PLCG1: variants seen among roughly 807,000 people sequenced by gnomAD.
PLCG1 encodes the protein phospholipase C gamma 1.
A neutral mutation model predicts 177.8 loss-of-function variants in PLCG1; 71 were observed. The ratio of observed to expected loss-of-function variants is 0.40; its 90% confidence interval spans 0.33 to 0.49. PLCG1 has a LOEUF of 0.49. Among genes scored for constraint, PLCG1 ranks in the 20% least tolerant of loss-of-function variants. The pLI is 0.72. For missense variants in PLCG1, 1,281 were observed against 1,709.0 expected (o/e 0.75, Z 4.42); for synonymous variants, 658 against 647.9 (o/e 1.02, Z -0.24).
intron 20 of PLCG1, among the ~76,000 whole-genome samples, chr20:41,168,306 A>G (rs2035771142): frequency 6.6e-6 from 1 of 151,804 alleles, no homozygotes; most frequent in Admixed American, 6.6e-5. Context: ...CCTGGGCCCT[A>G]TTTCTCACCC....
chr20:41,138,194 G>A (rs1315068689), intron 1 of PLCG1, among the ~76,000 whole-genome samples: 1 of 152,174 alleles, frequency 6.6e-6, no homozygotes, highest in South Asian at 2.1e-4. Flanking sequence ...GCGTCGGCGA[G>A]GGGAGCTAAG....
chr20:41,154,988 A>G (rs549978348), intron 1 of PLCG1, among the ~76,000 whole-genome samples: 5 of 152,322 alleles, frequency 3.3e-5, no homozygotes, highest in African/African-American at 1.2e-4. Flanking sequence ...CCAGGACTGC[A>G]TGGCCCAGAA....
chr20:41,172,482 G>A lies in PLCG1; in HGVS notation c.2967G>A (p.Glu989=). ...CATCCTTCCCGGAAACCAAGGCTGA[G>A]AAATACGTGAACAAGGCCAAAGGCA... ...DMSSFPETKA[E]KYVNKAKGKK... is the part of the protein sequence containing the mutation. The change falls in exon 26 of 32, where the codon GAG becomes GAA. Residue 989 remains glutamate, a synonymous_variant. Transcript: ENST00000685551. The surrounding 1 kb of genome is among the most constrained non-coding windows in gnomAD (Gnocchi z 7.0). 4.3e-6 allele frequency: 7 copies of A among 1,614,202 alleles called. No individual in the cohort carries two copies. The highest frequency in any genetic ancestry group is 5.9e-6 in the Non-Finnish European group (7 of 1,180,026).
chr20:41,146,260 A>C lies in PLCG1; in HGVS notation c.217+8402A>C, dbSNP rs2146004924. Among the ~76,000 whole-genome samples, 1 of 152,352 alleles carries C rather than the reference A, an allele frequency of 6.6e-6. No homozygotes were observed. Among genetic ancestry groups the C allele is most frequent in the Admixed American group, 6.5e-5 (1 of 15,308 alleles). On this transcript the variant is annotated intron_variant, in intron 1 of 31. Transcript: ENST00000685551. The surrounding 1 kb of genome is among the most constrained non-coding windows in gnomAD (Gnocchi z 6.3). ...GGTGACCCAGTCCTTGATCCTGAGA[A>C]GCTTGTGATCTGGACCATGCAGAAA...
chr20:41,144,011 T>C lies in PLCG1; in HGVS notation c.217+6153T>C, dbSNP rs937528948. 2.0e-5 allele frequency among the ~76,000 whole-genome samples: 3 copies of C among 152,260 alleles called. No homozygotes were observed. The highest frequency in any genetic ancestry group is 7.2e-5 in the African/African-American group (3 of 41,462). ...CAACCTGGGCTAGGAGTCTGTTTCC[T>C]ACTTGCTTTCTGTGTTCCTTCCCTG... is the stretch of plus-strand genomic sequence containing the variant. On this transcript the variant is annotated intron_variant, in intron 1 of 31. Coordinates refer to ENST00000685551, the MANE Select transcript of PLCG1 (RefSeq NM_002660.3). The surrounding 1 kb of genome is among the most constrained non-coding windows in gnomAD (Gnocchi z 4.1).
intron 1 of PLCG1, among the ~76,000 whole-genome samples, chr20:41,152,475 C>T (rs1347282809): frequency 6.6e-6 from 1 of 152,214 alleles, no homozygotes; most frequent in Non-Finnish European, 1.5e-5. Context: ...CCTCACTGAC[C>T]ACTGCATTTT....
In PLCG1 at chr20:41,156,067, T is replaced by C. The variant is rs546506222; in HGVS notation, c.218-3539T>C. 6.6e-6 allele frequency among the ~76,000 whole-genome samples: 1 copy of C among 152,324 alleles called. No individual in the cohort carries two copies. Among genetic ancestry groups the C allele is most frequent in the South Asian group, 2.1e-4 (1 of 4,822 alleles). ...CTGGGGCACCAGGAAGCCTGGCTTA[T>C]GAGAAGGTTCTCAGTCCTCAGAGCT... On this transcript the variant is annotated intron_variant, in intron 1 of 31. Transcript: ENST00000685551. The surrounding 1 kb of genome is among the most constrained non-coding windows in gnomAD (Gnocchi z 5.0).
intron 1 of PLCG1, among the ~76,000 whole-genome samples, chr20:41,155,107 T>A (rs1167426303): frequency 6.6e-6 from 1 of 152,188 alleles, no homozygotes; most frequent in Non-Finnish European, 1.5e-5. Context: ...AAAAGGAACA[T>A]TGCTCTTCCC....
chr20:41,170,310 C>A (rs760594710), intron 24 of PLCG1, 41 bp downstream of exon 24: 2 of 1,610,760 alleles, frequency 1.2e-6, no homozygotes, highest in African/African-American at 1.3e-5. Context: ...AGTGTGTGGG[C>A]CCGTCAGGCA....
In PLCG1 at chr20:41,159,246, T is replaced by C. The variant is rs1405940029; in HGVS notation, c.218-360T>C. 1.3e-5 allele frequency among the ~76,000 whole-genome samples: 2 copies of C among 152,182 alleles called. No individual in the cohort carries two copies. Among genetic ancestry groups the C allele is most frequent in the African/African-American group, 2.4e-5 (1 of 41,430 alleles). On this transcript the variant is annotated intron_variant, in intron 1 of 31. Transcript: ENST00000685551. This position sits in a 1 kb window ranked among gnomAD's most constrained non-coding sequence, Gnocchi z 6.0. ...GGGACTTTATGATTTGATTTGTGTGTACCTTGTGTCAGGAAGTGGTCCTCA... is the reference window on the plus strand; with the variant it reads ...GGGACTTTATGATTTGATTTGTGTGCACCTTGTGTCAGGAAGTGGTCCTCA...
At chr20:41,168,681 G>A (rs2035785938) in intron 20 of PLCG1, 86 bp from the exon 21 acceptor site, 1 of 790,928 alleles carries the variant, frequency 1.3e-6, no homozygotes, top group Non-Finnish European at 2.2e-6. Context: ...GGAAGCCCAA[G>A]CACATGTGTG....
At chr20:41,149,243 A>G (rs952774221) in intron 1 of PLCG1, among the ~76,000 whole-genome samples, 1 of 152,108 alleles carries the variant, frequency 6.6e-6, no homozygotes, top group Admixed American at 6.5e-5. Flanking sequence ...ACTCATATCT[A>G]ATTTTTCCTT....
Position 41,169,510 on chromosome 20 carries a change from G to A in PLCG1, c.2634G>A (p.Val878=), listed in dbSNP as rs1178848270. The change falls in exon 23 of 32, where the codon GTG becomes GTA. Residue 878 remains valine, a synonymous_variant. Coordinates refer to ENST00000685551, the MANE Select transcript of PLCG1 (RefSeq NM_002660.3). ...ACTTGCTGCGGGGGGTCTTGGATGT[G>A]CCGGCTTGTCAGATTGGTGAGCTCC... ...LGDLLRGVLD[V]PACQIAIRPE... is the part of the protein sequence containing the mutation. 4 of 1,613,386 alleles carry A rather than the reference G, an allele frequency of 2.5e-6. No individual in the cohort carries two copies. The Admixed American group carries it at 6.7e-5, about 27-fold the overall frequency.
In PLCG1 at chr20:41,174,253, G is replaced by A. The variant is rs1267782295; in HGVS notation, c.3775G>A (p.Glu1259Lys). The change falls in exon 31 of 32, where the codon GAG becomes AAG. Residue 1259 changes from glutamate to lysine, a missense_variant. Coordinates refer to ENST00000685551, the MANE Select transcript of PLCG1 (RefSeq NM_002660.3). This position sits in a 1 kb window ranked among gnomAD's most constrained non-coding sequence, Gnocchi z 5.8. The stretch of plus-strand genomic sequence containing the variant: ...TGAATCCCGCTACCAGCAGCCGTTT[G>A]AGGACTTCCGCATCTCCCAGGAGCA... ...SFESRYQQPF[E>K]DFRISQEHLA... 3.7e-6 allele frequency: 6 copies of A among 1,614,210 alleles called. No individual in the cohort carries two copies. The highest frequency in any genetic ancestry group is 1.1e-5 in the South Asian group (1 of 91,082).
chr20:41,173,903 C>T lies in PLCG1; in HGVS notation c.3557-20C>T. On this transcript the variant is annotated intron_variant, in intron 29 of 31. Coordinates refer to ENST00000685551, the MANE Select transcript of PLCG1 (RefSeq NM_002660.3). The surrounding 1 kb of genome is among the most constrained non-coding windows in gnomAD (Gnocchi z 6.2). Reference sequence around the variant, plus strand: ...GCTCTGTCCCTCGTGGGCTGAGGGCCAGGCTTTTCCTCCTCCTAGGATACA... The same window carrying T: ...GCTCTGTCCCTCGTGGGCTGAGGGCTAGGCTTTTCCTCCTCCTAGGATACA... The T allele has an allele frequency of 6.2e-7, 1 of 1,613,026 alleles. No individual in the cohort carries two copies. Among genetic ancestry groups the T allele is most frequent in the Non-Finnish European group, 8.5e-7 (1 of 1,179,012 alleles).
chr20:41,137,925 T>C lies in PLCG1; in HGVS notation c.217+67T>C. On this transcript the variant is annotated intron_variant, in intron 1 of 31. Coordinates refer to ENST00000685551, the MANE Select transcript of PLCG1 (RefSeq NM_002660.3). This position sits in a 1 kb window ranked among gnomAD's most constrained non-coding sequence, Gnocchi z 7.3. ...GGTCGTGGGAGCCCGGCCCGACTGC[T>C]TGCACCCCGGCCGGCCGCCCCAGCG... 1 of 1,102,248 alleles carries C rather than the reference T, an allele frequency of 9.1e-7. No individual in the cohort carries two copies. Among genetic ancestry groups the C allele is most frequent in the Non-Finnish European group, 1.2e-6 (1 of 858,170 alleles). The allele number at this position is 1,102,248 out of a possible 1,614,324, so 68.3% of individuals were successfully genotyped here.
chr20:41,158,833 C>T (rs373675375), intron 1 of PLCG1, among the ~76,000 whole-genome samples: 1 of 152,228 alleles, frequency 6.6e-6, no homozygotes, highest in Non-Finnish European at 1.5e-5. Flanking sequence ...TTGCTTTACA[C>T]ATGGTAAAAC....
At position 41,166,409 on chromosome 20, in the gene PLCG1, T is replaced by G. The variant is rs1568749812; in HGVS notation, c.2000+15T>G. The G allele has an allele frequency of 1.2e-6, 2 of 1,613,608 alleles. No individual in the cohort carries two copies. The highest frequency in any genetic ancestry group is 1.7e-6 in the Non-Finnish European group (2 of 1,179,954). On this transcript the variant is annotated intron_variant, in intron 17 of 31. Coordinates refer to ENST00000685551, the MANE Select transcript of PLCG1 (RefSeq NM_002660.3). This position sits in a 1 kb window ranked among gnomAD's most constrained non-coding sequence, Gnocchi z 8.6. ...GAGAGCAAAGAGTGAGGGAAGGGCC[T>G]GGGGGCGGACAAGGCAGGGCAGGGC...
chr20:41,137,950 G>T lies in PLCG1; in HGVS notation c.217+92G>T, dbSNP rs1341677775. ...TTGCACCCCGGCCGGCCGCCCCAGCGACTTGGGCAAACTTTCGGGCCCTCC... is the reference window on the plus strand; with the variant it reads ...TTGCACCCCGGCCGGCCGCCCCAGCTACTTGGGCAAACTTTCGGGCCCTCC... On this transcript the variant is annotated intron_variant, in intron 1 of 31. Coordinates refer to ENST00000685551, the MANE Select transcript of PLCG1 (RefSeq NM_002660.3). This position sits in a 1 kb window ranked among gnomAD's most constrained non-coding sequence, Gnocchi z 7.3. The T allele has an allele frequency of 1.3e-5, 12 of 929,312 alleles. No homozygotes were observed. The highest frequency in any genetic ancestry group is 1.7e-5 in the Non-Finnish European group (12 of 703,488). The allele number at this position is 929,312 out of a possible 1,614,324, so 57.6% of individuals were successfully genotyped here.
Sources: allele counts gnomAD v4.1 joint callset (sites outside exome capture counted in the v4.1 genomes callset), GRCh38; gene constraint gnomAD v4.1.1; non-coding constraint Gnocchi (gnomAD v3.1); transcripts MANE v1.5; gene names NCBI Gene and HGNC (gene_info 2026-07-23, HGNC 2026-07-21).